Variants in C17orf67 observed in about 807,000 individuals in gnomAD.
C17orf67 encodes the protein chromosome 17 open reading frame 67, also known as uncharacterized protein C17orf67.
A neutral mutation model predicts 11.2 loss-of-function variants in C17orf67; 12 were observed. The observed-to-expected ratio is 1.07, with a 90% CI of 0.68 to 1.73. The LOEUF is 1.73. Among genes scored for constraint, C17orf67 ranks in the 40% most tolerant of loss-of-function variants. The pLI, the probability that C17orf67 is intolerant of heterozygous loss-of-function variation, is 0.00. For synonymous variants in C17orf67, 59 were observed against 46.9 expected (o/e 1.26, Z -1.05); for missense variants, 115 against 113.5 (o/e 1.01, Z -0.06).
chr17:56,831,241 C>A (rs984663845), intron 2 of C17orf67, among the ~76,000 whole-genome samples: 2 of 152,026 alleles, frequency 1.3e-5, no homozygotes, highest in Non-Finnish European at 2.9e-5. Flanking sequence ...AGTCCAGGAC[C>A]TGTGCTGCTG....
chr17:56,805,344 G>A lies in C17orf67; in HGVS notation c.156+9525C>T, dbSNP rs1905420285. ...AACACACCATCATCCCACATACATT[G>A]TTTCTACTCATGGATTTCCACTGCC... On this transcript the variant is annotated intron_variant, in intron 6 of 7. Transcript: ENST00000397861. 2.6e-5 allele frequency among the ~76,000 whole-genome samples: 4 copies of A among 152,280 alleles called. No homozygotes were observed. In the South Asian group the frequency reaches 8.3e-4, roughly 32 times the overall value.
chr17:56,831,717 G>A (rs1318007033), intron 2 of C17orf67, among the ~76,000 whole-genome samples: 2 of 152,122 alleles, frequency 1.3e-5, no homozygotes, highest in Non-Finnish European at 2.9e-5. Flanking sequence ...CTTGAGTTGT[G>A]CAGAATCCGT....
At chr17:56,821,731 T>C (rs1905909599) in intron 4 of C17orf67, among the ~76,000 whole-genome samples, 1 of 152,222 alleles carries the variant, frequency 6.6e-6, no homozygotes, top group African/African-American at 2.4e-5. Flanking sequence ...GCAGGTGTGG[T>C]AGGTTGAATT....
At position 56,795,145 on chromosome 17, in the gene C17orf67, G is replaced by A. The variant is rs180749332; in HGVS notation, c.192C>T (p.Arg64=). 19 of 1,614,180 alleles carry A rather than the reference G, an allele frequency of 1.2e-5. No individual in the cohort carries two copies. The highest frequency in any genetic ancestry group is 8.9e-5 in the East Asian group (4 of 44,888). ...YMHHLLALEH[R]AEEQFLEHWL... is the part of the protein sequence containing the mutation. ...AGTGCTCCAGGAACTGCTCCTCAGC[G>A]CGATGCTCCAGGGCGAGCAGGTGGT... Residue 64 remains arginine (R), a synonymous_variant, in exon 7 of 8, where the codon CGC becomes CGT. Coordinates refer to ENST00000397861, the MANE Select transcript of C17orf67 (RefSeq NM_001085430.4).
At chr17:56,823,653 TGAG>T (rs759196098) in intron 4 of C17orf67, among the ~76,000 whole-genome samples, 5 of 151,136 alleles carry the variant, frequency 3.3e-5, no homozygotes, top group Non-Finnish European at 4.4e-5. Context: ...AGAGCAAAAA[TGAG>T]GAGGAAAGTT....
intron 6 of C17orf67, among the ~76,000 whole-genome samples, chr17:56,812,825 A>C (rs1221151911): frequency 2.0e-5 from 3 of 152,112 alleles, no homozygotes; most frequent in Non-Finnish European, 4.4e-5. Context: ...AACAGAGGAG[A>C]AGCTTTCAGA....
intron 2 of C17orf67, among the ~76,000 whole-genome samples, chr17:56,830,144 C>T (rs540845773): frequency 6.6e-6 from 1 of 151,066 alleles, no homozygotes; most frequent in African/African-American, 2.4e-5. Flanking sequence ...GAGATCAGGA[C>T]CATCCTCGCT....
In C17orf67 at chr17:56,825,134, C is replaced by G. The variant is rs1905995146; in HGVS notation, c.-369G>C. On this transcript the variant is annotated 5_prime_UTR_variant, in exon 3 of 8. Transcript: ENST00000397861. The stretch of plus-strand genomic sequence containing the variant: ...CTAGCTCCACTTCATATTCTGACTT[C>G]AGAGACCTGGTCAGGACCACAGAAT... 6.6e-6 allele frequency: 1 copy of G among 152,232 alleles called. No homozygotes were observed. Among genetic ancestry groups the G allele is most frequent in the African/African-American group, 2.4e-5 (1 of 41,466 alleles). 9.4% of individuals were successfully genotyped at this position (152,232 alleles called of 1,614,324 possible). A position where few individuals can be genotyped will look rare whatever the true frequency, so the allele number is the denominator to read the frequency against.
intron 6 of C17orf67, among the ~76,000 whole-genome samples, chr17:56,801,692 C>A (rs949493352): frequency 1.3e-5 from 2 of 152,138 alleles, no homozygotes; most frequent in African/African-American, 4.8e-5. Context: ...ACAGTGATTC[C>A]CTGGCTGCTT....
At chr17:56,832,743 A>G (rs1266583522) in intron 2 of C17orf67, among the ~76,000 whole-genome samples, 155 bp downstream of exon 2, 1 of 152,182 alleles carries the variant, frequency 6.6e-6, no homozygotes, top group African/African-American at 2.4e-5. Flanking sequence ...AGTTCCGTTC[A>G]CGAGGTACCT....
chr17:56,823,924 T>C (rs527340125), intron 4 of C17orf67, among the ~76,000 whole-genome samples: 38 of 152,334 alleles, frequency 2.5e-4, no homozygotes, highest in South Asian at 1.7e-3. Context: ...TGGAGAAAAC[T>C]TAAATGCATA....
At chr17:56,799,870 A>G (rs1041848497) in intron 6 of C17orf67, among the ~76,000 whole-genome samples, 2 of 151,840 alleles carry the variant, frequency 1.3e-5, no homozygotes, top group African/African-American at 4.8e-5. Flanking sequence ...TCTTCAGTAG[A>G]TGTCTATTCA....
chr17:56,796,947 T>C (rs1347665246), intron 6 of C17orf67, among the ~76,000 whole-genome samples: 1 of 152,110 alleles, frequency 6.6e-6, no homozygotes, highest in Non-Finnish European at 1.5e-5. Context: ...AGTCAGCATC[T>C]GCCTCTACCC....
chr17:56,800,427 T>G (rs1905293646), intron 6 of C17orf67, among the ~76,000 whole-genome samples: 1 of 152,184 alleles, frequency 6.6e-6, no homozygotes, highest in African/African-American at 2.4e-5. Flanking sequence ...TCTGTATGCC[T>G]CCCACTGGTC....
At chr17:56,809,242 C>A (rs982205821) in intron 6 of C17orf67, among the ~76,000 whole-genome samples, 2 of 151,766 alleles carry the variant, frequency 1.3e-5, no homozygotes. Context: ...CTCTAAAGGG[C>A]CCCTGGAAAC....
intron 6 of C17orf67, among the ~76,000 whole-genome samples, chr17:56,796,016 A>G (rs975082424): frequency 2.6e-5 from 4 of 152,258 alleles, no homozygotes; most frequent in Non-Finnish European, 5.9e-5. Context: ...TTTAAAAGAC[A>G]AGGGATAAGC....
At chr17:56,818,761 CT>C (rs915259027) in intron 4 of C17orf67, among the ~76,000 whole-genome samples, 8 of 151,946 alleles carry the variant, frequency 5.3e-5, no homozygotes, top group African/African-American at 1.9e-4. Flanking sequence ...GATTTTATGC[CT>C]TTTTTTGTAC....
At chr17:56,825,882 G>A (rs1250061272) in intron 2 of C17orf67, among the ~76,000 whole-genome samples, 2 of 152,108 alleles carry the variant, frequency 1.3e-5, no homozygotes, top group Non-Finnish European at 2.9e-5. Context: ...GAGAGATGGT[G>A]ATTCTTTTCT....
Position 56,828,050 on chromosome 17 carries a change from C to G in C17orf67, c.-556-2729G>C, listed in dbSNP as rs538971208. ...TGAAACCCCATCTCTACTAAAAATA[C>G]AAAAATTAGCTCAGTGTACCCGCAC... On this transcript the variant is annotated intron_variant, in intron 2 of 7. Coordinates refer to ENST00000397861, the MANE Select transcript of C17orf67 (RefSeq NM_001085430.4). Among the ~76,000 whole-genome samples, 230 of 137,628 alleles carry G rather than the reference C, an allele frequency of 1.7e-3. 2 individuals carry two copies. Among genetic ancestry groups the G allele is most frequent in the Non-Finnish European group, 6.5e-4 (43 of 65,660 alleles). The allele number at this position is 137,628 out of a possible 152,430, so 90.3% of individuals were successfully genotyped here.
Sources: gnomAD v4.1 joint callset for allele counts (sites outside exome capture counted in the v4.1 genomes callset) on GRCh38, gnomAD v4.1.1 for gene constraint, MANE v1.5 for transcripts, NCBI Gene and HGNC (gene_info 2026-07-23, HGNC 2026-07-21) for gene names.